The following ITGA9 variants were observed in gnomAD, a reference collection of about 807,000 sequenced individuals.
The protein encoded by ITGA9 is integrin subunit alpha 9.
In ITGA9, 56 loss-of-function variants were observed where a neutral mutation model predicts 127.8. That is an observed-to-expected ratio of 0.44 (90% CI 0.35 to 0.55). ITGA9 has a LOEUF of 0.55. Ranked by LOEUF, ITGA9 falls within the 20% of genes least tolerant of loss-of-function variation. ITGA9 has a pLI of 0.00. For missense variants in ITGA9, 1,196 were observed against 1,347.1 expected (o/e 0.89, Z 1.76); for synonymous variants, 508 against 514.5 (o/e 0.99, Z 0.17).
chr3:37,508,445 A>C (rs1698867591), intron 7 of ITGA9, 114 bp from the exon 8 acceptor site: 2 of 794,408 alleles, frequency 2.5e-6, no homozygotes, highest in Non-Finnish European at 4.2e-6. Context: ...GCATAAGCAC[A>C]TCTGCTGTGC....
chr3:37,641,332 C>T (rs1334171194), intron 16 of ITGA9, among the ~76,000 whole-genome samples: 1 of 152,166 alleles, frequency 6.6e-6, no homozygotes, highest in Non-Finnish European at 1.5e-5. Context: ...AATTATCTTT[C>T]ACAAAACTGG....
chr3:37,759,199 A>G (rs1696694510), intron 23 of ITGA9, among the ~76,000 whole-genome samples: 1 of 152,016 alleles, frequency 6.6e-6, no homozygotes, highest in East Asian at 1.9e-4. Context: ...TCCAGAGACT[A>G]TGTCTAGGCA....
intron 26 of ITGA9, among the ~76,000 whole-genome samples, chr3:37,801,959 A>G (rs1697240378): frequency 6.6e-6 from 1 of 152,090 alleles, no homozygotes; most frequent in African/African-American, 2.4e-5. Flanking sequence ...TTCTTTCCTT[A>G]TCACCAGGGA....
intron 16 of ITGA9, among the ~76,000 whole-genome samples, chr3:37,648,144 A>G (rs1700397256): frequency 6.6e-6 from 1 of 152,088 alleles, no homozygotes; most frequent in Admixed American, 6.5e-5. Context: ...TCCTACCAAC[A>G]ATGTATAAGG....
intron 4 of ITGA9, among the ~76,000 whole-genome samples, chr3:37,494,236 C>CT (rs1438292503): frequency 6.6e-6 from 1 of 152,192 alleles, no homozygotes; most frequent in Non-Finnish European, 1.5e-5. Flanking sequence ...ATGACTGTGG[C>CT]TATTGCTCCT....
chr3:37,684,430 T>G (rs965604730), intron 18 of ITGA9, among the ~76,000 whole-genome samples: 10 of 152,196 alleles, frequency 6.6e-5, no homozygotes, highest in Non-Finnish European at 1.3e-4. Context: ...ATGATGTACT[T>G]GATGTTTCTA....
rs376158988 is a variant in ITGA9 at position 37,711,142 on chromosome 3, A to G, written c.2068-21570A>G. 2.0e-5 allele frequency among the ~76,000 whole-genome samples: 3 copies of G among 152,266 alleles called. No homozygotes were observed. The East Asian group carries it at 5.8e-4, about 29-fold the overall frequency. On this transcript the variant is annotated intron_variant, in intron 18 of 27. Coordinates refer to ENST00000264741, the MANE Select transcript of ITGA9 (RefSeq NM_002207.3). The stretch of plus-strand genomic sequence containing the variant: ...CTTGGCTGGCTGTTGGCCACAGGCC[A>G]CAGAGCACTCAGGACCAAGGACTGG...
intron 15 of ITGA9, among the ~76,000 whole-genome samples, chr3:37,547,971 TC>T (rs1699344079): frequency 6.6e-6 from 1 of 152,224 alleles, no homozygotes; most frequent in Non-Finnish European, 1.5e-5. Context: ...TGTGTGTACC[TC>T]CTTTTATTTT....
intron 17 of ITGA9, among the ~76,000 whole-genome samples, chr3:37,674,802 A>G (rs1700666722): frequency 1.3e-5 from 2 of 152,206 alleles, no homozygotes; most frequent in Admixed American, 1.3e-4. Context: ...GACTTGAACC[A>G]CATCAGTAGA....
At chr3:37,676,809 G>A (rs552096317) in intron 17 of ITGA9, among the ~76,000 whole-genome samples, 3 of 152,240 alleles carry the variant, frequency 2.0e-5, no homozygotes, top group South Asian at 4.1e-4. Context: ...CTTGCCTCTC[G>A]CTAATCTTTC....
intron 15 of ITGA9, among the ~76,000 whole-genome samples, chr3:37,592,706 A>G (rs1484184756): frequency 6.6e-6 from 1 of 152,196 alleles, no homozygotes; most frequent in Non-Finnish European, 1.5e-5. Context: ...CAGGAGTCCA[A>G]GGACCCCTTG....
Position 37,517,624 on chromosome 3 carries a change from C to G in ITGA9, c.1141+15C>G. On this transcript the variant is annotated intron_variant, in intron 10 of 27. Transcript: ENST00000264741. ...TGGGTTCCCAGGTGAGTGAGTGCTC[C>G]TGGTGCACGGAGCCCCTCCAGGTGC... 1 of 1,541,384 alleles carries G rather than the reference C, an allele frequency of 6.5e-7. No individual in the cohort carries two copies. The highest frequency in any genetic ancestry group is 1.2e-5 in the South Asian group (1 of 84,314).
At chr3:37,645,506 G>A (rs907835544) in intron 16 of ITGA9, among the ~76,000 whole-genome samples, 1 of 152,128 alleles carries the variant, frequency 6.6e-6, no homozygotes, top group African/African-American at 2.4e-5. Flanking sequence ...AGAGGTTGCA[G>A]TTAGCCAAGA....
chr3:37,481,095 A>G (rs191379743), intron 3 of ITGA9, among the ~76,000 whole-genome samples: 2 of 152,162 alleles, frequency 1.3e-5, no homozygotes, highest in Non-Finnish European at 2.9e-5. Context: ...CTCACGATGT[A>G]TCCTTTACAT....
At chr3:37,527,132 C>T (rs139596231) in intron 13 of ITGA9, among the ~76,000 whole-genome samples, 3 of 152,340 alleles carry the variant, frequency 2.0e-5, no homozygotes, top group African/African-American at 7.2e-5. Context: ...TTGGCCAGGA[C>T]AGCAATACAG....
chr3:37,815,184 G>A (rs1405514600), intron 27 of ITGA9, among the ~76,000 whole-genome samples: 1 of 152,230 alleles, frequency 6.6e-6, no homozygotes, highest in East Asian at 1.9e-4. Flanking sequence ...GCACATGAAA[G>A]CCACATGTAA....
At chr3:37,737,608 C>T (rs1267353233) in intron 20 of ITGA9, among the ~76,000 whole-genome samples, 1 of 152,152 alleles carries the variant, frequency 6.6e-6, no homozygotes, top group Non-Finnish European at 1.5e-5. Context: ...AAGATGCCTT[C>T]TCCAGGGCAG....
chr3:37,719,543 C>T (rs1482788519), intron 18 of ITGA9, among the ~76,000 whole-genome samples: 1 of 152,180 alleles, frequency 6.6e-6, no homozygotes, highest in Non-Finnish European at 1.5e-5. Flanking sequence ...TGTCAACACC[C>T]TCCATGTCCC....
At chr3:37,608,581 C>T (rs1473355471) in intron 15 of ITGA9, among the ~76,000 whole-genome samples, 1 of 152,154 alleles carries the variant, frequency 6.6e-6, no homozygotes, top group Non-Finnish European at 1.5e-5. Context: ...AGTACATTGG[C>T]ATTTGTGAAT....
Sources: allele counts gnomAD v4.1 joint callset (sites outside exome capture counted in the v4.1 genomes callset), GRCh38; gene constraint gnomAD v4.1.1; transcripts MANE v1.5; gene names NCBI Gene and HGNC (gene_info 2026-07-23, HGNC 2026-07-21).